NTM: variants seen among roughly 807,000 people sequenced by gnomAD.
NTM encodes the protein neurotrimin.
Under a neutral mutation model 42.1 loss-of-function variants are expected in NTM, and 13 were observed. The observed-to-expected ratio is 0.31, with a 90% CI of 0.20 to 0.49. NTM has a LOEUF of 0.49. Among genes scored for constraint, NTM ranks in the 20% least tolerant of loss-of-function variants. The probability of loss-of-function intolerance (pLI) is 0.99; values close to 1 mark genes in which losing one functional copy is unlikely to be tolerated. For missense variants in NTM, 373 were observed against 452.8 expected, an observed-to-expected ratio of 0.82 and a Z score of 1.60; for synonymous variants, 187 against 179.2, an observed-to-expected ratio of 1.04 and a Z score of -0.35.
intron 2 of NTM, among the ~76,000 whole-genome samples, chr11:132,074,639 C>T (rs2058127883): frequency 6.6e-6 from 1 of 151,964 alleles, no homozygotes; most frequent in Admixed American, 6.6e-5. Flanking sequence ...CATTGCAACA[C>T]TGTTCGCAAC....
chr11:131,932,139 A>T (rs1285061694), intron 2 of NTM, among the ~76,000 whole-genome samples: 4 of 152,224 alleles, frequency 2.6e-5, no homozygotes, highest in Non-Finnish European at 5.9e-5. Flanking sequence ...GGCTTTGTGG[A>T]ATCCAGTAGT....
chr11:131,743,814 T>C (rs1181609848), intron 1 of NTM, among the ~76,000 whole-genome samples: 3 of 152,208 alleles, frequency 2.0e-5, no homozygotes, highest in Non-Finnish European at 4.4e-5. Context: ...AGTTTTGATG[T>C]ATCCAGTACT....
intron 2 of NTM, among the ~76,000 whole-genome samples, chr11:132,136,643 G>A (rs1431008543): frequency 1.3e-5 from 2 of 152,214 alleles, no homozygotes; most frequent in Non-Finnish European, 2.9e-5. Context: ...TGGGTGCCAG[G>A]CTTCACACAC....
At chr11:132,030,234 C>T (rs996706916) in intron 2 of NTM, among the ~76,000 whole-genome samples, 1 of 152,120 alleles carries the variant, frequency 6.6e-6, no homozygotes, top group African/African-American at 2.4e-5. Flanking sequence ...AAAACCCCTA[C>T]CCCACCTACT....
intron 2 of NTM, among the ~76,000 whole-genome samples, chr11:132,004,852 T>G (rs1363681541): frequency 6.6e-6 from 1 of 152,202 alleles, no homozygotes; most frequent in Non-Finnish European, 1.5e-5. Flanking sequence ...ATGACATTAT[T>G]GGTAGTCCTT....
At chr11:131,430,170 A>G (rs1055811050) in intron 1 of NTM, among the ~76,000 whole-genome samples, 1 of 152,246 alleles carries the variant, frequency 6.6e-6, no homozygotes, top group African/African-American at 2.4e-5. Flanking sequence ...ATACAGAATT[A>G]TTTAATGAAC....
chr11:132,277,082 T>A (rs1484121539), intron 4 of NTM, among the ~76,000 whole-genome samples: 1 of 152,218 alleles, frequency 6.6e-6, no homozygotes, highest in East Asian at 1.9e-4. Context: ...ACATGGGCAA[T>A]CATGTGATTG....
At chr11:132,044,462 A>G (rs950968233) in intron 2 of NTM, among the ~76,000 whole-genome samples, 2 of 152,128 alleles carry the variant, frequency 1.3e-5, no homozygotes, top group African/African-American at 4.8e-5. Flanking sequence ...AATTCAGTAG[A>G]TGTGTCTGTT....
At chr11:131,588,668 T>C (rs1457399024) in intron 1 of NTM, among the ~76,000 whole-genome samples, 1 of 152,184 alleles carries the variant, frequency 6.6e-6, no homozygotes, top group Non-Finnish European at 1.5e-5. Flanking sequence ...CTGCTATAAT[T>C]TTACTGAACA....
At chr11:131,581,322 A>G (rs978435127) in intron 1 of NTM, among the ~76,000 whole-genome samples, 7 of 152,230 alleles carry the variant, frequency 4.6e-5, no homozygotes, top group African/African-American at 1.4e-4. Context: ...CATGGACCAC[A>G]AGATATTACT....
intron 2 of NTM, among the ~76,000 whole-genome samples, chr11:131,915,485 G>T (rs1401702082): frequency 6.6e-6 from 1 of 152,072 alleles, no homozygotes; most frequent in Non-Finnish European, 1.5e-5. Flanking sequence ...GCCAAACAAC[G>T]ATATCCCCCA....
chr11:131,394,337 G>T (rs1188797871), intron 1 of NTM, among the ~76,000 whole-genome samples: 2 of 152,108 alleles, frequency 1.3e-5, no homozygotes, highest in Non-Finnish European at 2.9e-5. Context: ...CCTGTGGAGG[G>T]CCTCCCAGGG....
chr11:131,909,539 C>T (rs1249235870), intron 1 of NTM, among the ~76,000 whole-genome samples: 1 of 152,188 alleles, frequency 6.6e-6, no homozygotes, highest in Non-Finnish European at 1.5e-5. Context: ...TGCCTCCTCT[C>T]CATCCCCAAG....
chr11:131,880,308 G>C (rs546906407), intron 1 of NTM, among the ~76,000 whole-genome samples: 199 of 152,346 alleles, frequency 1.3e-3, no homozygotes, highest in African/African-American at 4.4e-3. Flanking sequence ...GTCATGCTCA[G>C]TTCCACAGCA....
chr11:132,130,452 A>G (rs916740559), intron 2 of NTM, among the ~76,000 whole-genome samples: 4 of 152,108 alleles, frequency 2.6e-5, no homozygotes, highest in Non-Finnish European at 5.9e-5. Flanking sequence ...TGCTAATTTT[A>G]CTTCATGCGT....
Position 131,676,011 on chromosome 11 carries a change from T to A in NTM, c.83-235553T>A, listed in dbSNP as rs112975353. ...GCAAGCAAACCCCTTGGACCAATGGTTTCACCCTTGGAAACTTAGCTGGGT... is the reference window on the plus strand; with the variant it reads ...GCAAGCAAACCCCTTGGACCAATGGATTCACCCTTGGAAACTTAGCTGGGT... On this transcript the variant is annotated intron_variant, in intron 1 of 8. Transcript: ENST00000683400. 3.9e-3 allele frequency among the ~76,000 whole-genome samples: 589 copies of A among 152,262 alleles called. 6 individuals are homozygous for A. Among genetic ancestry groups the A allele is most frequent in the African/African-American group, 0.014 (569 of 41,554 alleles).
chr11:131,789,230 A>G (rs1591837774), intron 1 of NTM, among the ~76,000 whole-genome samples: 1 of 151,824 alleles, frequency 6.6e-6, no homozygotes, highest in East Asian at 1.9e-4. Context: ...CCCTCTACAC[A>G]AGAGTTCCTA....
chr11:131,532,371 T>C (rs1452995749), intron 1 of NTM, among the ~76,000 whole-genome samples: 1 of 152,236 alleles, frequency 6.6e-6, no homozygotes, highest in Non-Finnish European at 1.5e-5. Context: ...TTTCAAGATG[T>C]ATCTATGTTG....
chr11:132,260,539 T>G (rs1257819659), intron 4 of NTM, among the ~76,000 whole-genome samples: 1 of 152,110 alleles, frequency 6.6e-6, no homozygotes, highest in Non-Finnish European at 1.5e-5. Context: ...AAAAATGAAT[T>G]AAAAAGTCCA....
Sources: allele counts gnomAD v4.1 joint callset (sites outside exome capture counted in the v4.1 genomes callset), GRCh38; gene constraint gnomAD v4.1.1; transcripts MANE v1.5; gene names NCBI Gene and HGNC (gene_info 2026-07-23, HGNC 2026-07-21).